The following PPFIA2 variants were observed in gnomAD, a reference collection of about 807,000 sequenced individuals.
PPFIA2 encodes the protein PPFI scaffold protein A2.
PPFIA2 carries 46 observed loss-of-function variants against 175.5 expected under a neutral mutation model. The ratio of observed to expected loss-of-function variants is 0.26; its 90% confidence interval spans 0.21 to 0.34. The LOEUF is 0.34. Ranked by LOEUF, PPFIA2 falls within the 10% of genes least tolerant of loss-of-function variation. The pLI, the probability that PPFIA2 is intolerant of heterozygous loss-of-function variation, is 1.00. For synonymous variants in PPFIA2, 568 were observed against 511.4 expected, an observed-to-expected ratio of 1.11 and a Z score of -1.49; for missense variants, 1,179 against 1,506.1, an observed-to-expected ratio of 0.78 and a Z score of 3.60.
At chr12:81,699,776 C>T (rs1447182982) in intron 3 of PPFIA2, among the ~76,000 whole-genome samples, 1 of 152,004 alleles carries the variant, frequency 6.6e-6, no homozygotes, top group Non-Finnish European at 1.5e-5. Context: ...GAATCATCCT[C>T]CAAGTATCTT....
intron 4 of PPFIA2, among the ~76,000 whole-genome samples, chr12:81,486,165 G>A (rs1390001608): frequency 6.6e-6 from 1 of 151,704 alleles, no homozygotes; most frequent in Non-Finnish European, 1.5e-5. Flanking sequence ...TCAGCTTATT[G>A]ACTATAAACA....
intron 16 of PPFIA2, among the ~76,000 whole-genome samples, chr12:81,353,906 C>T (rs1278788791): frequency 6.6e-6 from 1 of 152,168 alleles, no homozygotes; most frequent in Non-Finnish European, 1.5e-5. Flanking sequence ...GTGAATATGA[C>T]ATTAGAGTCA....
At chr12:81,691,633 A>G (rs2075256186) in intron 3 of PPFIA2, among the ~76,000 whole-genome samples, 1 of 152,176 alleles carries the variant, frequency 6.6e-6, no homozygotes, top group Admixed American at 6.6e-5. Context: ...GAGGAAGTAT[A>G]TTAAGTTAGT....
At chr12:81,694,479 C>T (rs1379333172) in intron 3 of PPFIA2, among the ~76,000 whole-genome samples, 1 of 152,144 alleles carries the variant, frequency 6.6e-6, no homozygotes, top group Non-Finnish European at 1.5e-5. Flanking sequence ...TGGTGGCTTC[C>T]ATGTGGTGTT....
intron 3 of PPFIA2, among the ~76,000 whole-genome samples, chr12:81,721,524 C>G (rs114410168): frequency 0.02 from 3,046 of 151,076 alleles, 43 homozygotes; most frequent in South Asian, 0.042. Flanking sequence ...TCTACAACTT[C>G]TCCCAGTGAT....
chr12:81,588,052 G>A (rs1472131890), intron 4 of PPFIA2, among the ~76,000 whole-genome samples: 1 of 151,904 alleles, frequency 6.6e-6, no homozygotes, highest in African/African-American at 2.4e-5. Context: ...ATCTAGTGGT[G>A]CAGAGAGACA....
At chr12:81,297,034 T>C (rs1594188502) in intron 23 of PPFIA2, among the ~76,000 whole-genome samples, 1 of 152,134 alleles carries the variant, frequency 6.6e-6, no homozygotes, top group Non-Finnish European at 1.5e-5. Context: ...CCCTCTGAGC[T>C]CTCACTCTGG....
chr12:81,756,253 T>C (rs920425569), intron 2 of PPFIA2, among the ~76,000 whole-genome samples: 4 of 152,286 alleles, frequency 2.6e-5, no homozygotes, highest in African/African-American at 4.8e-5. Flanking sequence ...GGGTTACCTA[T>C]AGATTTAAAT....
intron 4 of PPFIA2, among the ~76,000 whole-genome samples, chr12:81,586,974 T>C (rs1047441101): frequency 3.9e-5 from 6 of 152,000 alleles, no homozygotes; most frequent in Non-Finnish European, 7.4e-5. Context: ...ATTCCATATA[T>C]ATTCCATTGA....
intron 4 of PPFIA2, among the ~76,000 whole-genome samples, chr12:81,676,454 G>A (rs1041926224): frequency 6.6e-6 from 1 of 151,830 alleles, no homozygotes; most frequent in Non-Finnish European, 1.5e-5. Flanking sequence ...TCAGTAACTA[G>A]AAAATATATT....
chr12:81,681,266 T>C (rs1434899615), intron 3 of PPFIA2, among the ~76,000 whole-genome samples: 2 of 152,170 alleles, frequency 1.3e-5, no homozygotes, highest in African/African-American at 2.4e-5. Context: ...TCATTTCAGA[T>C]AATGAAAGCT....
chr12:81,498,741 C>T (rs1440836832), intron 4 of PPFIA2, among the ~76,000 whole-genome samples: 1 of 152,132 alleles, frequency 6.6e-6, no homozygotes, highest in Non-Finnish European at 1.5e-5. Flanking sequence ...TCTCTTGCCT[C>T]AGCCTCCCAA....
At chr12:81,415,370 G>A (rs1778907308) in intron 7 of PPFIA2, among the ~76,000 whole-genome samples, 1 of 145,532 alleles carries the variant, frequency 6.9e-6, no homozygotes, top group African/African-American at 2.5e-5. Flanking sequence ...CCCAAATTTG[G>A]CTGACTAGTA....
At chr12:81,492,071 C>A (rs1400406752) in intron 4 of PPFIA2, among the ~76,000 whole-genome samples, 1 of 151,890 alleles carries the variant, frequency 6.6e-6, no homozygotes, top group East Asian at 1.9e-4. Flanking sequence ...AAGATCGAGG[C>A]AGAAAGAGTT....
chr12:81,637,839 T>C (rs2064314396), intron 4 of PPFIA2, among the ~76,000 whole-genome samples: 1 of 151,966 alleles, frequency 6.6e-6, no homozygotes, highest in Non-Finnish European at 1.5e-5. Context: ...GGTCTACTCT[T>C]CCACAAAAAA....
intron 3 of PPFIA2, among the ~76,000 whole-genome samples, chr12:81,705,353 G>A (rs754655184): frequency 6.0e-5 from 9 of 150,772 alleles, no homozygotes; most frequent in Non-Finnish European, 1.3e-4. Flanking sequence ...CTACAGAGGA[G>A]GCTGAGGCAG....
At chr12:81,533,090 C>T (rs964506911) in intron 4 of PPFIA2, among the ~76,000 whole-genome samples, 2 of 151,566 alleles carry the variant, frequency 1.3e-5, no homozygotes, top group East Asian at 1.9e-4. Flanking sequence ...AGTTTTAGAG[C>T]TCAGTTTCAT....
chr12:81,426,932 T>G (rs1439735346), intron 7 of PPFIA2, among the ~76,000 whole-genome samples: 1 of 152,158 alleles, frequency 6.6e-6, no homozygotes, highest in East Asian at 1.9e-4. Flanking sequence ...CAAATGTATC[T>G]TAAAAACTGT....
intron 15 of PPFIA2, among the ~76,000 whole-genome samples, chr12:81,362,404 C>G (rs1268656399): frequency 6.6e-6 from 1 of 151,146 alleles, no homozygotes; most frequent in African/African-American, 2.4e-5. Flanking sequence ...TCCCTGTACA[C>G]AGTTCAATTT....
Sources: allele counts gnomAD v4.1 joint callset (sites outside exome capture counted in the v4.1 genomes callset), GRCh38; gene constraint gnomAD v4.1.1; transcripts MANE v1.5; gene names NCBI Gene and HGNC (gene_info 2026-07-23, HGNC 2026-07-21).